The following BCOR variants were observed in gnomAD, a reference collection of about 807,000 sequenced individuals.
BCOR encodes BCL6 corepressor.
Under a neutral mutation model 86.7 loss-of-function variants are expected in BCOR, and 10 were observed. The observed-to-expected ratio is 0.12, with a 90% CI of 0.07 to 0.20. The LOEUF (loss-of-function observed/expected upper bound fraction) is 0.20. BCOR is among the 10% of genes least tolerant of loss of function. The pLI is 1.00. For missense variants in BCOR, 1,259 were observed against 1,452.1 expected, an observed-to-expected ratio of 0.87 and a Z score of 2.16; for synonymous variants, 611 against 609.0, an observed-to-expected ratio of 1.00 and a Z score of -0.05.
intron 7 of BCOR, 102 bp downstream of exon 7, chrX:40,064,234 C>T: frequency 8.8e-7 from 1 of 1,132,901 alleles, no homozygotes; most frequent in Non-Finnish European, 1.2e-6. Context: ...CCGACTCTGT[C>T]TACGGGGGCA....
At position 40,124,462 on chromosome X, in the gene BCOR, G is replaced by A. The variant is rs751218711; in HGVS notation, c.-40-46493C>T. On this transcript the variant is annotated intron_variant, in intron 1 of 14. Coordinates refer to the BCOR transcript ENST00000342274. The stretch of plus-strand genomic sequence containing the variant: ...TAATTTTCTTATTTTTTGTAGAGAC[G>A]GGATTTTGTCATGTTGTCTGAAACT... Among the ~76,000 whole-genome samples, 139 of 109,587 alleles carry A rather than the reference G, an allele frequency of 1.3e-3. 1 individual carries two copies. The Middle Eastern group carries it at 0.023, about 18-fold the overall frequency.
rs749073971 is a variant in BCOR at position 40,063,026 on chromosome X, G to A, written c.3893C>T (p.Ser1298Phe). The A allele has an allele frequency of 9.9e-5, 110 of 1,111,322 alleles. No homozygotes were observed. The highest frequency in any genetic ancestry group is 5.2e-4 in the African/African-American group (26 of 49,994). The allele number at this position is 1,111,322 out of a possible 1,213,427, so 91.6% of individuals were successfully genotyped here. Reference protein sequence around the residue: ...SGSPPMKSLSSTSAGGKKQAQ... With the variant: ...SGSPPMKSLSFTSAGGKKQAQ... ...CTGCTTTTTGCCGCCTGCACTGGTG[G>A]ATGAAAGACTCTTCATGGGCGGAGA... Residue 1298 changes from serine to phenylalanine, a missense_variant, in exon 9 of 15, where the codon TCC becomes TTC. Coordinates refer to ENST00000378444, the MANE Select transcript of BCOR (RefSeq NM_001123385.2).
At chrX:40,155,301 G>A (rs779794229) in intron 1 of BCOR, among the ~76,000 whole-genome samples, 2 of 112,607 alleles carry the variant, frequency 1.8e-5, no homozygotes, top group South Asian at 7.3e-4. Flanking sequence ...AAAAAGAGGC[G>A]AGAAGGGGCG....
intron 1 of BCOR, among the ~76,000 whole-genome samples, chrX:40,153,930 G>A (rs745508590): frequency 9.1e-6 from 1 of 109,450 alleles, no homozygotes; most frequent in East Asian, 2.9e-4. Flanking sequence ...CTGCCGCGCC[G>A]TGGGGGGCAG....
Position 40,052,095 on chromosome X carries a change from TG to T in BCOR, c.*13del. On this transcript the variant is annotated 3_prime_UTR_variant, in exon 15 of 15. Coordinates refer to ENST00000378444, the MANE Select transcript of BCOR (RefSeq NM_001123385.2). ...TAACACTATAACACACTGTACATGGTGGGTCCAGCTTGCTCACCAGTAGTTG... is the reference window on the plus strand; with the variant it reads ...TAACACTATAACACACTGTACATGGTGGTCCAGCTTGCTCACCAGTAGTTG... The T allele has an allele frequency of 8.5e-7, 1 of 1,180,612 alleles. No homozygotes were observed. The highest frequency in any genetic ancestry group is 1.1e-6 in the Non-Finnish European group (1 of 877,667).
rs972447823 is a variant in BCOR at position 40,122,407 on chromosome X, G to A, written c.-40-44438C>T. 8.1e-5 allele frequency among the ~76,000 whole-genome samples: 9 copies of A among 111,216 alleles called. 1 individual carries two copies. The highest frequency in any genetic ancestry group is 2.9e-4 in the African/African-American group (9 of 30,604). On this transcript the variant is annotated intron_variant, in intron 1 of 14. Coordinates refer to the BCOR transcript ENST00000342274. ...TCTGGCTGTGGGAAGCCAGCCTGGG[G>A]TCCCTTGTTGGCACTTGGTGTCTCG... is the stretch of plus-strand genomic sequence containing the variant.
upstream of BCOR, among the ~76,000 whole-genome samples, chrX:40,098,699 C>T (rs1163368451): frequency 9.0e-6 from 1 of 111,182 alleles, no homozygotes; most frequent in Admixed American, 9.3e-5. Flanking sequence ...CTCCCGTGCT[C>T]ACCCCCACCC....
chrX:40,121,941 C>T (rs1602240182), intron 1 of BCOR, among the ~76,000 whole-genome samples: 1 of 112,220 alleles, frequency 8.9e-6, no homozygotes, highest in Non-Finnish European at 1.9e-5. Context: ...TCTTTGTCAT[C>T]GCATCCATCC....
chrX:40,075,983 C>G (rs184070368), intron 3 of BCOR, among the ~76,000 whole-genome samples: 1 of 111,089 alleles, frequency 9.0e-6, no homozygotes, highest in Non-Finnish European at 1.9e-5. Context: ...GAACAAGAAA[C>G]GATCTTCGAT....
chrX:40,097,815 T>G lies in BCOR; in HGVS notation c.-641A>C, dbSNP rs1000594582. 1.9e-5 allele frequency among the ~76,000 whole-genome samples: 2 copies of G among 106,069 alleles called. No homozygotes were observed. The highest frequency in any genetic ancestry group is 4.1e-4 in the South Asian group (1 of 2,426). 92.1% of individuals were successfully genotyped at this position (106,069 alleles called of 115,157 possible). ...CGCCCGGCGGCTCGCGGGCTCCCCC[T>G]CCGCCGCCGCCGCCCGCCTAGCTCC... is the stretch of plus-strand genomic sequence containing the variant. On this transcript the variant is annotated 5_prime_UTR_variant, in exon 1 of 15. Coordinates refer to ENST00000378444, the MANE Select transcript of BCOR (RefSeq NM_001123385.2).
In BCOR at chrX:40,097,825, C is replaced by T. The variant is rs1350807330; in HGVS notation, c.-651G>A. On this transcript the variant is annotated 5_prime_UTR_variant, in exon 1 of 15. Coordinates refer to ENST00000378444, the MANE Select transcript of BCOR (RefSeq NM_001123385.2). ...CTCGCGGGCTCCCCCTCCGCCGCCGCCGCCCGCCTAGCTCCCGCTCTCGGT... is the reference window on the plus strand; with the variant it reads ...CTCGCGGGCTCCCCCTCCGCCGCCGTCGCCCGCCTAGCTCCCGCTCTCGGT... 1.8e-5 allele frequency among the ~76,000 whole-genome samples: 2 copies of T among 110,727 alleles called. No individual in the cohort carries two copies. The highest frequency in any genetic ancestry group is 3.8e-5 in the Non-Finnish European group (2 of 52,159).
chrX:40,128,521 G>A (rs1025633298), intron 1 of BCOR, among the ~76,000 whole-genome samples: 1 of 111,927 alleles, frequency 8.9e-6, no homozygotes, highest in Non-Finnish European at 1.9e-5. Flanking sequence ...ACTCTAGCCT[G>A]GGCAACAGAG....
At chrX:40,069,566 C>G (rs1935370663) in intron 6 of BCOR, among the ~76,000 whole-genome samples, 1 of 112,342 alleles carries the variant, frequency 8.9e-6, no homozygotes, top group African/African-American at 3.2e-5. Context: ...CCTCCAGGCC[C>G]CCAGCCATCT....
intron 1 of BCOR, among the ~76,000 whole-genome samples, chrX:40,118,511 C>T (rs1340303564): frequency 5.4e-5 from 6 of 110,463 alleles, no homozygotes; most frequent in Non-Finnish European, 7.6e-5. Context: ...AGGTGATCCA[C>T]CCGTCTCGGC....
chrX:40,057,895 C>T (rs745707651), intron 10 of BCOR, among the ~76,000 whole-genome samples: 18 of 112,065 alleles, frequency 1.6e-4, no homozygotes, highest in Non-Finnish European at 2.8e-4. Flanking sequence ...CTGGTCCTCA[C>T]GCCCCTTGGA....
intron 1 of BCOR, among the ~76,000 whole-genome samples, chrX:40,139,682 A>T (rs1937873647): frequency 1.0e-5 from 1 of 100,228 alleles, no homozygotes; most frequent in Non-Finnish European, 2.0e-5. Flanking sequence ...GTCGTGGCAC[A>T]CGCCTGTAAT....
At chrX:40,152,278 C>A (rs1938183136) in intron 1 of BCOR, among the ~76,000 whole-genome samples, 1 of 112,038 alleles carries the variant, frequency 8.9e-6, no homozygotes, top group Admixed American at 9.3e-5. Flanking sequence ...CTTGTGCGCT[C>A]TTCACCCCTC....
chrX:40,159,618 G>A (rs1938371181), intron 1 of BCOR, among the ~76,000 whole-genome samples: 1 of 112,336 alleles, frequency 8.9e-6, no homozygotes, highest in Admixed American at 9.4e-5. Context: ...CCAAATTGCT[G>A]GGATTACAGG....
At position 40,152,634 on chromosome X, in the gene BCOR, C is replaced by G. The variant is rs1602269186; in HGVS notation, c.-41+24373G>C. On this transcript the variant is annotated intron_variant, in intron 1 of 14. Transcript: ENST00000342274. ...CCGGGCGAGGCTTTTGTGGCCAAGC[C>G]TAGGGGAAGGGGGTCCCCACCCCAC... is the stretch of plus-strand genomic sequence containing the variant. Among the ~76,000 whole-genome samples the G allele has an allele frequency of 3.5e-5, 4 of 112,820 alleles. No individual in the cohort carries two copies. In the South Asian group the frequency reaches 1.4e-3, roughly 41 times the overall value.
Sources: gnomAD v4.1 joint callset for allele counts (sites outside exome capture counted in the v4.1 genomes callset) on GRCh38, gnomAD v4.1.1 for gene constraint, MANE v1.5 for transcripts, NCBI Gene and HGNC (gene_info 2026-07-23, HGNC 2026-07-21) for gene names.